INTS8: variants seen among roughly 807,000 people sequenced by gnomAD.
The protein encoded by INTS8 is integrator complex subunit 8, also known as protein kaonashi-1.
In INTS8, 47 loss-of-function variants were observed where a neutral mutation model predicts 138.9. The observed-to-expected ratio is 0.34, with a 90% CI of 0.27 to 0.43. The LOEUF is 0.43. INTS8 is among the 20% of genes least tolerant of loss of function. The pLI, the probability that INTS8 is intolerant of heterozygous loss-of-function variation, is 1.00. For synonymous variants in INTS8, 392 were observed against 400.9 expected, an observed-to-expected ratio of 0.98 and a Z score of 0.27; for missense variants, 996 against 1,173.0, an observed-to-expected ratio of 0.85 and a Z score of 2.20.
At chr8:94,840,885 T>A (rs957197279) in intron 8 of INTS8, among the ~76,000 whole-genome samples, 1 of 151,264 alleles carries the variant, frequency 6.6e-6, no homozygotes, top group African/African-American at 2.4e-5. Context: ...TAGTTTGTTT[T>A]ATGAGCTTGT....
At chr8:94,835,798 C>G (rs759740233) in intron 6 of INTS8, among the ~76,000 whole-genome samples, 1 of 152,134 alleles carries the variant, frequency 6.6e-6, no homozygotes, top group Non-Finnish European at 1.5e-5. Context: ...TAGGGTTTCA[C>G]TATGTTGGTC....
At chr8:94,853,218 A>G (rs755607653) in intron 13 of INTS8, among the ~76,000 whole-genome samples, 4 of 152,158 alleles carry the variant, frequency 2.6e-5, no homozygotes, top group Non-Finnish European at 5.9e-5. Context: ...AGGCCGAGGC[A>G]GGAGAATCAC....
chr8:94,867,000 TA>T (rs3214816), intron 18 of INTS8, 139 bp from the exon 19 acceptor site: 114,089 of 669,774 alleles, frequency 0.17, 10,558 homozygotes, highest in Middle Eastern at 0.21. Context: ...TTTAGTGTGC[TA>T]AAGCACATGC....
intron 3 of INTS8, 73 bp from the exon 4 acceptor site, chr8:94,827,649 A>G (rs1814558103): frequency 7.9e-7 from 1 of 1,258,800 alleles, no homozygotes; most frequent in Admixed American, 1.7e-5. Flanking sequence ...TACAAACCTA[A>G]GGAGTACTTG....
intron 16 of INTS8, among the ~76,000 whole-genome samples, chr8:94,860,892 A>G (rs1169473410): frequency 1.3e-5 from 2 of 151,534 alleles, no homozygotes; most frequent in African/African-American, 2.4e-5. Context: ...CGTCCTTACT[A>G]AAAATACAAA....
chr8:94,835,573 C>T (rs1406084308), intron 6 of INTS8, among the ~76,000 whole-genome samples: 1 of 151,688 alleles, frequency 6.6e-6, no homozygotes, highest in East Asian at 1.9e-4. Context: ...AATTCCCGAT[C>T]TTTTCAGACT....
intron 14 of INTS8, among the ~76,000 whole-genome samples, chr8:94,856,484 T>TA (rs1815749849): frequency 6.6e-6 from 1 of 152,238 alleles, no homozygotes; most frequent in African/African-American, 2.4e-5. Flanking sequence ...TTATAGAATT[T>TA]ACACCTGTGT....
At chr8:94,828,298 T>A (rs781225482) in intron 4 of INTS8, among the ~76,000 whole-genome samples, 17 of 152,098 alleles carry the variant, frequency 1.1e-4, no homozygotes, top group Admixed American at 2.6e-4. Context: ...GCCTTGGTCT[T>A]CCAAAGTGCT....
intron 8 of INTS8, 150 bp from the exon 9 acceptor site, chr8:94,841,341 T>G: frequency 2.2e-6 from 1 of 464,242 alleles, no homozygotes. Context: ...TTAATCAAAT[T>G]TTAGAATTTT....
chr8:94,854,919 T>C (rs1317199152), intron 14 of INTS8, among the ~76,000 whole-genome samples: 2 of 151,518 alleles, frequency 1.3e-5, no homozygotes, highest in African/African-American at 4.9e-5. Flanking sequence ...TTTTTTTTTT[T>C]TTTTTTTGCA....
At chr8:94,861,520 C>A (rs1314989053) in intron 16 of INTS8, among the ~76,000 whole-genome samples, 1 of 151,974 alleles carries the variant, frequency 6.6e-6, no homozygotes, top group Non-Finnish European at 1.5e-5. Flanking sequence ...CTTGGCCTCC[C>A]AAAGTGCTGG....
At chr8:94,847,942 G>C (rs1210502784) in intron 10 of INTS8, among the ~76,000 whole-genome samples, 1 of 151,860 alleles carries the variant, frequency 6.6e-6, no homozygotes, top group Non-Finnish European at 1.5e-5. Context: ...AAGATGCTCA[G>C]ATGTTATTTA....
In INTS8 at chr8:94,832,189, C is replaced by T. The variant is rs570686474; in HGVS notation, c.753+15C>T. 3.1e-6 allele frequency: 5 copies of T among 1,600,230 alleles called. No homozygotes were observed. In the East Asian group the frequency reaches 1.1e-4, roughly 36 times the overall value. On this transcript the variant is annotated intron_variant, in intron 6 of 26. Coordinates refer to ENST00000523731, the MANE Select transcript of INTS8 (RefSeq NM_017864.4). ...TGCAGTGCCAGGTATTCATTTGATA[C>T]TTAATTTACGTAGGGCAATTTTTTG... is the stretch of plus-strand genomic sequence containing the variant.
intron 22 of INTS8, 73 bp downstream of exon 22, chr8:94,873,550 A>C (rs1816475989): frequency 7.9e-6 from 7 of 889,926 alleles, no homozygotes; most frequent in Non-Finnish European, 1.1e-5. Flanking sequence ...CTTTTGGCTG[A>C]ACTTACCCAT....
intron 20 of INTS8, among the ~76,000 whole-genome samples, chr8:94,869,257 CAGGCGTG>C (rs1816299483): frequency 6.6e-6 from 1 of 150,940 alleles, no homozygotes. Flanking sequence ...CTGGGATTAA[CAGGCGTG>C]AGCCACCACG....
At chr8:94,851,775 A>G in intron 13 of INTS8, 89 bp downstream of exon 13, 2 of 1,053,554 alleles carry the variant, frequency 1.9e-6, no homozygotes, top group Admixed American at 2.8e-5. Context: ...CTTTTTGATA[A>G]TAAGGACCTC....
At chr8:94,845,156 C>G (rs1815287518) in intron 10 of INTS8, among the ~76,000 whole-genome samples, 1 of 151,740 alleles carries the variant, frequency 6.6e-6, no homozygotes, top group Non-Finnish European at 1.5e-5. Context: ...AAGCTTTTTC[C>G]TATTGTGTCA....
At chr8:94,851,490 A>T in intron 12 of INTS8, 63 bp from the exon 13 acceptor site, 1 of 1,153,226 alleles carries the variant, frequency 8.7e-7, no homozygotes, top group Non-Finnish European at 1.2e-6. Flanking sequence ...CATAATTTTA[A>T]GTAAATTGTT....
In INTS8 at chr8:94,875,194, A is replaced by G. The variant is rs577304831; in HGVS notation, c.2688+592A>G. Among the ~76,000 whole-genome samples the G allele has an allele frequency of 2.0e-5, 3 of 152,364 alleles. No homozygotes were observed. In the South Asian group the frequency reaches 6.2e-4, roughly 32 times the overall value. On this transcript the variant is annotated intron_variant, in intron 23 of 26. Coordinates refer to ENST00000523731, the MANE Select transcript of INTS8 (RefSeq NM_017864.4). ...ACAAGTGTTCACAGCAGCATCATTC[A>G]TAATAGCCAAAAAGTAGAAACAACC...
Sources: allele counts gnomAD v4.1 joint callset (sites outside exome capture counted in the v4.1 genomes callset), GRCh38; gene constraint gnomAD v4.1.1; transcripts MANE v1.5; gene names NCBI Gene and HGNC (gene_info 2026-07-23, HGNC 2026-07-21).